Variants in SLC24A2 observed in about 807,000 individuals in gnomAD.
The protein encoded by SLC24A2 is solute carrier family 24 member 2.
Under a neutral mutation model 62.0 loss-of-function variants are expected in SLC24A2, and 36 were observed. The ratio of observed to expected loss-of-function variants is 0.58; its 90% confidence interval spans 0.44 to 0.77. The LOEUF is 0.77. Among genes scored for constraint, SLC24A2 ranks in the 30% least tolerant of loss-of-function variants. The probability of loss-of-function intolerance (pLI) is 0.00; values close to 1 mark genes in which losing one functional copy is unlikely to be tolerated. For synonymous variants in SLC24A2, 358 were observed against 294.0 expected (o/e 1.22, Z -2.23); for missense variants, 846 against 817.9 (o/e 1.03, Z -0.42).
chr9:19,836,983 G>A, the SLC24A2 span, among the ~76,000 whole-genome samples: 56 of 152,208 alleles, frequency 3.7e-4, no homozygotes, highest in South Asian at 4.8e-3. Context: ...AAAACCACAC[G>A]ATTATCTCAA....
At chr9:19,993,071 C>T in the SLC24A2 span, among the ~76,000 whole-genome samples, 10 of 152,112 alleles carry the variant, frequency 6.6e-5, no homozygotes, top group Non-Finnish European at 1.5e-4. Flanking sequence ...AGATATTAAC[C>T]TTCAACCCCA....
chr9:19,640,062 G>C (rs929606023), intron 2 of SLC24A2, among the ~76,000 whole-genome samples: 18 of 152,158 alleles, frequency 1.2e-4, no homozygotes, highest in African/African-American at 4.3e-4. Flanking sequence ...AAACTGCCTG[G>C]TTCTTTCAGT....
At chr9:20,109,871 T>G in the SLC24A2 span, among the ~76,000 whole-genome samples, 2 of 152,170 alleles carry the variant, frequency 1.3e-5, no homozygotes, top group Non-Finnish European at 2.9e-5. Context: ...CTTTCAGTCA[T>G]ATGGGATGCC....
chr9:20,243,056 A>T, the SLC24A2 span, among the ~76,000 whole-genome samples: 1 of 152,138 alleles, frequency 6.6e-6, no homozygotes, highest in African/African-American at 2.4e-5. Context: ...TGGAATTTCA[A>T]ATTAGTAGAG....
chr9:20,106,364 G>A, the SLC24A2 span, among the ~76,000 whole-genome samples: 16,842 of 152,092 alleles, frequency 0.11, 991 homozygotes, highest in Middle Eastern at 0.17. Flanking sequence ...CAGCATCATC[G>A]TGATACCAAA....
At chr9:20,147,130 G>A in the SLC24A2 span, among the ~76,000 whole-genome samples, 1 of 152,174 alleles carries the variant, frequency 6.6e-6, no homozygotes, top group Non-Finnish European at 1.5e-5. Flanking sequence ...AAAGAACAGA[G>A]AAATGCCTGA....
At chr9:19,698,624 C>T (rs1268857392) in intron 2 of SLC24A2, among the ~76,000 whole-genome samples, 1 of 152,174 alleles carries the variant, frequency 6.6e-6, no homozygotes, top group Non-Finnish European at 1.5e-5. Flanking sequence ...CTTTTAGAGA[C>T]TTCCTATGTG....
At chr9:19,939,556 CAGTG>C in the SLC24A2 span, among the ~76,000 whole-genome samples, 1 of 152,196 alleles carries the variant, frequency 6.6e-6, no homozygotes, top group Non-Finnish European at 1.5e-5. Flanking sequence ...CTGGGTGAGT[CAGTG>C]AGTGAGTAGT....
At chr9:20,307,839 C>T in the SLC24A2 span, among the ~76,000 whole-genome samples, 2 of 152,084 alleles carry the variant, frequency 1.3e-5, no homozygotes, top group African/African-American at 4.8e-5. Context: ...AAGGAGGGAC[C>T]GCGGCTCTCT....
At chr9:19,949,381 C>T in the SLC24A2 span, among the ~76,000 whole-genome samples, 1 of 152,146 alleles carries the variant, frequency 6.6e-6, no homozygotes. Context: ...TGAAGGAACT[C>T]ATGTGCAGGC....
At chr9:19,541,911 C>A (rs1178802649) in intron 8 of SLC24A2, among the ~76,000 whole-genome samples, 4 of 152,146 alleles carry the variant, frequency 2.6e-5, no homozygotes, top group African/African-American at 9.7e-5. Context: ...TCTCCTGGTG[C>A]GCCGTTTTTC....
intron 2 of SLC24A2, among the ~76,000 whole-genome samples, chr9:19,635,028 A>T (rs984821934): frequency 1.3e-5 from 2 of 152,200 alleles, no homozygotes; most frequent in Non-Finnish European, 2.9e-5. Flanking sequence ...GTGGTTTCCT[A>T]GGACATATCT....
At chr9:20,017,051 C>G in the SLC24A2 span, among the ~76,000 whole-genome samples, 60 of 152,220 alleles carry the variant, frequency 3.9e-4, no homozygotes, top group Non-Finnish European at 7.1e-4. Context: ...GAGACAGAGT[C>G]TCACTCTGTG....
the SLC24A2 span, among the ~76,000 whole-genome samples, chr9:19,951,974 A>T: frequency 7.9e-4 from 121 of 152,214 alleles, no homozygotes; most frequent in African/African-American, 2.7e-3. Flanking sequence ...AGCATGATTT[A>T]TCTCCATTTA....
At chr9:19,620,390 G>C (rs1000182056) in intron 3 of SLC24A2, among the ~76,000 whole-genome samples, 4 of 152,166 alleles carry the variant, frequency 2.6e-5, no homozygotes, top group African/African-American at 9.7e-5. Flanking sequence ...CTCTAATCCA[G>C]AAAGCAGCAT....
the SLC24A2 span, among the ~76,000 whole-genome samples, chr9:20,015,988 T>C: frequency 6.6e-6 from 1 of 152,230 alleles, no homozygotes; most frequent in Non-Finnish European, 1.5e-5. Flanking sequence ...CATTTCCTTC[T>C]ATTATTGCAT....
intron 2 of SLC24A2, among the ~76,000 whole-genome samples, chr9:19,661,524 A>T (rs1819100563): frequency 4.6e-5 from 7 of 152,188 alleles, no homozygotes; most frequent in Admixed American, 3.9e-4. Flanking sequence ...AAGAATGAAA[A>T]ATACAATGTT....
At chr9:19,998,835 G>C in the SLC24A2 span, among the ~76,000 whole-genome samples, 1 of 152,214 alleles carries the variant, frequency 6.6e-6, no homozygotes, top group Non-Finnish European at 1.5e-5. Flanking sequence ...AAAAATGCTT[G>C]CTATACATAG....
chr9:19,867,805 G>A, the SLC24A2 span, among the ~76,000 whole-genome samples: 3 of 152,154 alleles, frequency 2.0e-5, no homozygotes, highest in South Asian at 2.1e-4. Flanking sequence ...CTACTCCGGA[G>A]GCTGAGGCAG....
Sources: gnomAD v4.1 joint callset for allele counts (sites outside exome capture counted in the v4.1 genomes callset) on GRCh38, gnomAD v4.1.1 for gene constraint, MANE v1.5 for transcripts, NCBI Gene and HGNC (gene_info 2026-07-23, HGNC 2026-07-21) for gene names.